Variants in PILRA observed in about 807,000 individuals in gnomAD.
PILRA encodes the protein paired immunoglobulin-like type 2 receptor alpha.
In PILRA, 37 loss-of-function variants were observed where a neutral mutation model predicts 33.1. The observed-to-expected ratio is 1.12, with a 90% CI of 0.86 to 1.47. PILRA has a LOEUF of 1.47. Among genes scored for constraint, PILRA ranks in the 40% most tolerant of loss-of-function variants. The pLI, the probability that PILRA is intolerant of heterozygous loss-of-function variation, is 0.00. For synonymous variants in PILRA, 146 were observed against 149.9 expected, an observed-to-expected ratio of 0.97 and a Z score of 0.19; for missense variants, 312 against 376.2, an observed-to-expected ratio of 0.83 and a Z score of 1.41.
intron 2 of PILRA, among the ~76,000 whole-genome samples, chr7:100,381,065 G>A (rs1241203706): frequency 6.6e-6 from 1 of 152,058 alleles, no homozygotes; most frequent in Non-Finnish European, 1.5e-5. Context: ...AGGAGATTGA[G>A]ACCATCCTGG....
At chr7:100,386,706 CA>C (rs1791262656) in intron 2 of PILRA, among the ~76,000 whole-genome samples, 2 of 151,178 alleles carry the variant, frequency 1.3e-5, no homozygotes, top group Admixed American at 6.6e-5. Context: ...TCATAGGGAC[CA>C]GGGGGAGCGG....
At chr7:100,389,777 G>A in intron 2 of PILRA, 111 bp from the exon 3 acceptor site, 2 of 834,696 alleles carry the variant, frequency 2.4e-6, no homozygotes, top group Non-Finnish European at 4.1e-6. Context: ...CTTCAGAGAG[G>A]AGCTCCCTCA....
At chr7:100,376,156 C>T (rs1034497044) in intron 2 of PILRA, 4 of 152,182 alleles carry the variant, frequency 2.6e-5, no homozygotes, top group African/African-American at 9.7e-5. Context: ...CTGCCTGCGC[C>T]CTGGTAAACC....
chr7:100,381,468 TAAAA>T (rs1342603214), intron 2 of PILRA, among the ~76,000 whole-genome samples: 23 of 130,696 alleles, frequency 1.8e-4, no homozygotes, highest in African/African-American at 4.3e-4. Flanking sequence ...AAAAAAAAAT[TAAAA>T]AAACCCACCA....
intron 2 of PILRA, among the ~76,000 whole-genome samples, chr7:100,386,843 AC>A (rs896368019): frequency 7.9e-5 from 12 of 151,988 alleles, no homozygotes; most frequent in East Asian, 3.9e-4. Flanking sequence ...AAAAAAAAAA[AC>A]GACCAAAAAA....
At chr7:100,390,732 G>A (rs1347594718) in intron 3 of PILRA, among the ~76,000 whole-genome samples, 1 of 152,176 alleles carries the variant, frequency 6.6e-6, no homozygotes, top group Non-Finnish European at 1.5e-5. Context: ...AGTGGTGAGG[G>A]TGGTGTAGAG....
At chr7:100,386,119 G>T (rs1206429622) in intron 2 of PILRA, among the ~76,000 whole-genome samples, 3 of 151,868 alleles carry the variant, frequency 2.0e-5, no homozygotes. Context: ...CACCAAGTTG[G>T]CCAGGCTGGT....
intron 2 of PILRA, among the ~76,000 whole-genome samples, chr7:100,386,440 G>A (rs1440393810): frequency 6.6e-6 from 1 of 151,970 alleles, no homozygotes; most frequent in African/African-American, 2.4e-5. Flanking sequence ...GGAGTTGGAG[G>A]TTGCAGTGAG....
In PILRA at chr7:100,399,378, CT is replaced by C. The variant is rs762136266; in HGVS notation, c.757+39del. The C allele has an allele frequency of 2.6e-5, 41 of 1,554,614 alleles. No homozygotes were observed. The African/African-American group carries it at 4.5e-4, about 17-fold the overall frequency. On this transcript the variant is annotated intron_variant, in intron 5 of 6. Transcript: ENST00000198536. ...CACCATCCTTCCCCAGTTTCTACCCCTGGCACTTCCTGTTTCCCCAAATACC... is the reference window on the plus strand; with the variant it reads ...CACCATCCTTCCCCAGTTTCTACCCCGGCACTTCCTGTTTCCCCAAATACC...
In PILRA at chr7:100,397,947, G is replaced by A. The variant is rs763593632; in HGVS notation, c.707+35G>A. 2.5e-6 allele frequency: 4 copies of A among 1,609,390 alleles called. No homozygotes were observed. In the South Asian group the frequency reaches 3.3e-5, roughly 13 times the overall value. On this transcript the variant is annotated intron_variant, in intron 4 of 6. Coordinates refer to ENST00000198536, the MANE Select transcript of PILRA (RefSeq NM_013439.3). ...GGGCCTCCCCAGGGTGGGTTGGGGG[G>A]TGCATGTGCAGGCAGTGGGCTGATT...
chr7:100,374,653 C>A (rs1197305708), intron 2 of PILRA: 6 of 611,200 alleles, frequency 9.8e-6, no homozygotes, highest in Non-Finnish European at 1.5e-5. Context: ...CCCTCACTGT[C>A]CCCTCCAGAT....
At chr7:100,384,108 G>A (rs1584219747) in intron 2 of PILRA, among the ~76,000 whole-genome samples, 1 of 152,180 alleles carries the variant, frequency 6.6e-6, no homozygotes, top group Non-Finnish European at 1.5e-5. Context: ...AGACAGGGCA[G>A]ACAGGATTTG....
chr7:100,379,463 C>G (rs548038264), intron 2 of PILRA, among the ~76,000 whole-genome samples: 1 of 151,542 alleles, frequency 6.6e-6, no homozygotes, highest in Non-Finnish European at 1.5e-5. Context: ...GTCAGGAGTT[C>G]GAGACCAGCC....
At chr7:100,399,495 A>G in intron 5 of PILRA, 86 bp from the exon 6 acceptor site, 8 of 1,513,878 alleles carry the variant, frequency 5.3e-6, no homozygotes, top group Non-Finnish European at 6.4e-6. Flanking sequence ...CCTAGCAGAT[A>G]ACCTCACTCC....
chr7:100,399,378 C>G lies in PILRA; in HGVS notation c.757+38C>G, dbSNP rs368630640. ...CACCATCCTTCCCCAGTTTCTACCC[C>G]TGGCACTTCCTGTTTCCCCAAATAC... On this transcript the variant is annotated intron_variant, in intron 5 of 6. Coordinates refer to ENST00000198536, the MANE Select transcript of PILRA (RefSeq NM_013439.3). 5.3e-4 allele frequency: 818 copies of G among 1,554,492 alleles called. 1 individual carries two copies. Among genetic ancestry groups the G allele is most frequent in the Non-Finnish European group, 6.6e-4 (739 of 1,126,984 alleles).
At chr7:100,375,594 T>C (rs1408362113) in intron 2 of PILRA, among the ~76,000 whole-genome samples, 1 of 152,124 alleles carries the variant, frequency 6.6e-6, no homozygotes, top group African/African-American at 2.4e-5. Flanking sequence ...TAGCCAGGTG[T>C]GGTGGCGCAT....
At chr7:100,384,521 G>C (rs1457862369) in intron 2 of PILRA, among the ~76,000 whole-genome samples, 3 of 150,432 alleles carry the variant, frequency 2.0e-5, no homozygotes, top group Non-Finnish European at 3.0e-5. Context: ...CCGGCCTCCT[G>C]AGTAGCTAGG....
intron 4 of PILRA, among the ~76,000 whole-genome samples, chr7:100,398,512 A>C (rs969351669): frequency 4.6e-5 from 7 of 152,014 alleles, no homozygotes; most frequent in Admixed American, 1.3e-4. Context: ...CTCCTGCTGG[A>C]AGAAAGCCTC....
chr7:100,384,163 G>A (rs1169625395), intron 2 of PILRA, among the ~76,000 whole-genome samples: 1 of 152,074 alleles, frequency 6.6e-6, no homozygotes, highest in African/African-American at 2.4e-5. Flanking sequence ...AAGGAAGGAT[G>A]ACTCTAAGGT....
Sources: allele counts gnomAD v4.1 joint callset (sites outside exome capture counted in the v4.1 genomes callset), GRCh38; gene constraint gnomAD v4.1.1; transcripts MANE v1.5; gene names NCBI Gene and HGNC (gene_info 2026-07-23, HGNC 2026-07-21).